The following PRSS8 variants were observed in gnomAD, a reference collection of about 807,000 sequenced individuals.
PRSS8 encodes serine protease 8, also known as prostasin.
PRSS8 carries 11 observed loss-of-function variants against 26.7 expected under a neutral mutation model. That is an observed-to-expected ratio of 0.41 (90% CI 0.26 to 0.68). The LOEUF is 0.68. Among genes scored for constraint, PRSS8 ranks in the 30% least tolerant of loss-of-function variants. The pLI is 0.30. For synonymous variants in PRSS8, 183 were observed against 187.0 expected (o/e 0.98, Z 0.17); for missense variants, 362 against 443.5 (o/e 0.82, Z 1.65).
At chr16:31,134,672 C>T (rs550429008) in intron 2 of PRSS8, 6 of 170,898 alleles carry the variant, frequency 3.5e-5, no homozygotes, top group Admixed American at 3.4e-4. Context: ...ACCCACATCT[C>T]TACCAAACAA....
chr16:31,133,108 G>A lies in PRSS8; in HGVS notation c.266+118C>T. 6.3e-7 allele frequency: 1 copy of A among 1,574,954 alleles called. No homozygotes were observed. Among genetic ancestry groups the A allele is most frequent in the Non-Finnish European group, 8.7e-7 (1 of 1,155,422 alleles). On this transcript the variant is annotated intron_variant, in intron 3 of 5. Coordinates refer to ENST00000317508, the MANE Select transcript of PRSS8 (RefSeq NM_002773.5). The surrounding 1 kb of genome is among the most constrained non-coding windows in gnomAD (Gnocchi z 4.7). ...TGACCCCTCACCTTCACTCCTAACT[G>A]GTCCTTCCAGACTTAGAACTGACAC...
chr16:31,135,346 C>A, intron 1 of PRSS8, 68 bp downstream of exon 1: 1 of 1,575,954 alleles, frequency 6.3e-7, no homozygotes, highest in East Asian at 2.3e-5. Flanking sequence ...AAGGGCACAC[C>A]CCAGAAAATG....
Position 31,132,247 on chromosome 16 carries a change from C to G in PRSS8, c.794G>C (p.Arg265Pro). 6.2e-7 allele frequency: 1 copy of G among 1,613,290 alleles called. No homozygotes were observed. Among genetic ancestry groups the G allele is most frequent in the Non-Finnish European group, 8.5e-7 (1 of 1,179,562 alleles). Reference protein sequence around the residue: ...IVSWGDACGARNRPGVYTLAS... With the variant: ...IVSWGDACGAPNRPGVYTLAS... ...CAGAGTGTACACACCAGGCCTGTTG[C>G]GGGCCCCACAGGCATCTCCCCAGCT... The change falls in exon 6 of 6, where the codon CGC (arginine) becomes CCC (proline). Residue 265 changes from arginine (R) to proline (P), a missense_variant. Coordinates refer to ENST00000317508, the MANE Select transcript of PRSS8 (RefSeq NM_002773.5). This position sits in a 1 kb window ranked among gnomAD's most constrained non-coding sequence, Gnocchi z 5.2.
chr16:31,132,457 T>A lies in PRSS8; in HGVS notation c.677A>T (p.Tyr226Phe), dbSNP rs757401966. Residue 226 changes from tyrosine (Y) to phenylalanine (F), a missense_variant, in exon 5 of 6, where the codon TAT becomes TTT. Physicochemically the swap from Tyr to Phe is conservative, Grantham distance 22. Transcript: ENST00000317508. This position sits in a 1 kb window ranked among gnomAD's most constrained non-coding sequence, Gnocchi z 5.2. ...GCAGGCGTCCTTGCCCCCCTCCACA[T>A]AGCCAGCACACACCATGTCCTCTTG... ...FVQEDMVCAGYVEGGKDACQG... is the reference protein window; with the variant it reads ...FVQEDMVCAGFVEGGKDACQG... 1 of 1,613,960 alleles carries A rather than the reference T, an allele frequency of 6.2e-7. No homozygotes were observed. The highest frequency in any genetic ancestry group is 8.5e-7 in the Non-Finnish European group (1 of 1,179,844).
In PRSS8 at chr16:31,132,593, T is replaced by C. The variant is rs772938832; in HGVS notation, c.541A>G (p.Ser181Gly). The C allele has an allele frequency of 5.9e-5, 95 of 1,613,822 alleles. No homozygotes were observed. In the Admixed American group the frequency reaches 1.6e-3, roughly 27 times the overall value. The change falls in exon 5 of 6, where the codon AGC becomes GGC. Residue 181 changes from serine (S) to glycine (G), a missense_variant and splice_region_variant. By Grantham distance (56) the Ser-to-Gly change is moderately conservative. Coordinates refer to ENST00000317508, the MANE Select transcript of PRSS8 (RefSeq NM_002773.5). This position sits in a 1 kb window ranked among gnomAD's most constrained non-coding sequence, Gnocchi z 5.2. ...TGWGHVAPSV[S>G]LLTPKPLQQL... ...TGCAGTGGCTTGGGCGTCAGGAGGC[T>C]CACTGTGGGGGTAAAAGAGGCTTAC...
In PRSS8 at chr16:31,133,272, G is replaced by A; in HGVS notation, c.220C>T (p.Leu74Phe). ...YEGVHVCGGS[L>F]VSEQWVLSAA... Reference sequence around the variant, plus strand: ...GACAGCACCCACTGCTCAGACACGAGAGAGCCACCACACACATGGACGCCT... The same window carrying A: ...GACAGCACCCACTGCTCAGACACGAAAGAGCCACCACACACATGGACGCCT... The change falls in exon 3 of 6, where the codon CTC (leucine) becomes TTC (phenylalanine). Residue 74 changes from leucine (L) to phenylalanine (F), a missense_variant. Physicochemically the swap from Leu to Phe is conservative, Grantham distance 22. Transcript: ENST00000317508. This position sits in a 1 kb window ranked among gnomAD's most constrained non-coding sequence, Gnocchi z 4.7. 1 of 1,613,996 alleles carries A rather than the reference G, an allele frequency of 6.2e-7. No homozygotes were observed. Among genetic ancestry groups the A allele is most frequent in the Non-Finnish European group, 8.5e-7 (1 of 1,179,904 alleles).
Position 31,133,468 on chromosome 16 carries a change from G to A in PRSS8, c.104-80C>T. The A allele has an allele frequency of 1.3e-6, 2 of 1,541,694 alleles. No individual in the cohort carries two copies. Among genetic ancestry groups the A allele is most frequent in the South Asian group, 2.3e-5 (2 of 85,134 alleles). ...GCCCAGGAGCTCTGATATAGAGCTT[G>A]GGAAGTGGGTTCACAGGAGTCAACA... On this transcript the variant is annotated intron_variant, in intron 2 of 5. Transcript: ENST00000317508. The surrounding 1 kb of genome is among the most constrained non-coding windows in gnomAD (Gnocchi z 4.7).
rs1390890946 is a variant in PRSS8 at position 31,133,444 on chromosome 16, C to T, written c.104-56G>A. On this transcript the variant is annotated intron_variant, in intron 2 of 5. Coordinates refer to ENST00000317508, the MANE Select transcript of PRSS8 (RefSeq NM_002773.5). This position sits in a 1 kb window ranked among gnomAD's most constrained non-coding sequence, Gnocchi z 4.7. ...TGTTAGCCTGGCCACTCCTATGCAGCCCAGGAGCTCTGATATAGAGCTTGG... is the reference window on the plus strand; with the variant it reads ...TGTTAGCCTGGCCACTCCTATGCAGTCCAGGAGCTCTGATATAGAGCTTGG... 2 of 1,595,958 alleles carry T rather than the reference C, an allele frequency of 1.3e-6. No individual in the cohort carries two copies. The highest frequency in any genetic ancestry group is 1.7e-6 in the Non-Finnish European group (2 of 1,172,826).
In PRSS8 at chr16:31,133,521, A is replaced by G; in HGVS notation, c.104-133T>C. 1 of 1,123,024 alleles carries G rather than the reference A, an allele frequency of 8.9e-7. No individual in the cohort carries two copies. The highest frequency in any genetic ancestry group is 1.6e-5 in the South Asian group (1 of 64,266). 69.6% of individuals were successfully genotyped at this position (1,123,024 alleles called of 1,614,324 possible). On this transcript the variant is annotated intron_variant, in intron 2 of 5. Coordinates refer to ENST00000317508, the MANE Select transcript of PRSS8 (RefSeq NM_002773.5). This position sits in a 1 kb window ranked among gnomAD's most constrained non-coding sequence, Gnocchi z 4.7. ...CCTTTGTCCCCTCCCAGGCATGGGC[A>G]GTTGTGCCCCTTCTGTCCACTACCC...
rs1442423470 is a variant in PRSS8 at position 31,132,335 on chromosome 16, C to T, written c.706G>A (p.Gly236Ser). ...YVEGGKDACQ[G>S]DSGGPLSCPV... ...CAGGAGAGTGGGCCCCCAGAGTCAC[C>T]CTGAGGAGAGAAGCCACACAGCAGC... Residue 236 changes from glycine to serine, a missense_variant and splice_region_variant, in exon 6 of 6, where the codon GGT (glycine) becomes AGT (serine). Gly to Ser is a moderately conservative substitution (Grantham distance 56, BLOSUM62 0). Coordinates refer to ENST00000317508, the MANE Select transcript of PRSS8 (RefSeq NM_002773.5). The surrounding 1 kb of genome is among the most constrained non-coding windows in gnomAD (Gnocchi z 5.2). The T allele has an allele frequency of 5.0e-6, 8 of 1,613,828 alleles. No homozygotes were observed. The highest frequency in any genetic ancestry group is 6.8e-6 in the Non-Finnish European group (8 of 1,179,880).
At chr16:31,135,197 G>T in intron 1 of PRSS8, 26 bp from the exon 2 acceptor site, 1 of 1,612,746 alleles carries the variant, frequency 6.2e-7, no homozygotes, top group Non-Finnish European at 8.5e-7. Flanking sequence ...AAGAGGAGGG[G>T]TGAGTAGGGA....
Position 31,135,436 on chromosome 16 carries a change from A to G in PRSS8, c.63T>C (p.Leu21=), listed in dbSNP as rs780704940. ...TACCTGTCCCCGACCGGAGTAATCC[A>G]AGATAGAGCAGAATGGCCACAGCCC... ...QLGAVAILLY[L]GLLRSGTGAE... is the part of the protein sequence containing the mutation. Residue 21 remains leucine (L), a synonymous_variant, in exon 1 of 6, where the codon CTT becomes CTC. Transcript: ENST00000317508. 2 of 1,594,398 alleles carry G rather than the reference A, an allele frequency of 1.3e-6. No individual in the cohort carries two copies. Among genetic ancestry groups the G allele is most frequent in the Non-Finnish European group, 1.7e-6 (2 of 1,171,076 alleles).
At position 31,135,574 on chromosome 16, in the gene PRSS8, A is replaced by G; in HGVS notation, c.-76T>C. 1 of 1,240,202 alleles carries G rather than the reference A, an allele frequency of 8.1e-7. No individual in the cohort carries two copies. Among genetic ancestry groups the G allele is most frequent in the Non-Finnish European group, 1.1e-6 (1 of 904,358 alleles). The allele number at this position is 1,240,202 out of a possible 1,614,324, so 76.8% of individuals were successfully genotyped here. ...GCCTTGGGGTGGTGTCGAAGGCAGG[A>G]CCCAGATGTTGGCTCAGAGGGAAGG... On this transcript the variant is annotated 5_prime_UTR_variant, in exon 1 of 6. Coordinates refer to ENST00000317508, the MANE Select transcript of PRSS8 (RefSeq NM_002773.5).
Position 31,133,721 on chromosome 16 carries a change from C to T in PRSS8, c.104-333G>A, listed in dbSNP as rs561573332. On this transcript the variant is annotated intron_variant, in intron 2 of 5. Transcript: ENST00000317508. This position sits in a 1 kb window ranked among gnomAD's most constrained non-coding sequence, Gnocchi z 4.7. Reference sequence around the variant, plus strand: ...ATACATTCCAGACAGACCATGGCACCGCCATCGGACCCAGCCGTCCCCTCT... The same window carrying T: ...ATACATTCCAGACAGACCATGGCACTGCCATCGGACCCAGCCGTCCCCTCT... 1.3e-5 allele frequency among the ~76,000 whole-genome samples: 2 copies of T among 152,318 alleles called. No individual in the cohort carries two copies. The highest frequency in any genetic ancestry group is 4.8e-5 in the African/African-American group (2 of 41,574).
Position 31,132,513 on chromosome 16 carries a change from G to T in PRSS8, c.621C>A (p.Ile207=), listed in dbSNP as rs762733791. ...SRETCNCLYN[I]DAKPEEPHFV... ...AGTGCGGCTCCTCAGGCTTGGCGTCGATGTTGTACAGGCAGTTACACGTCT... is the reference window on the plus strand; with the variant it reads ...AGTGCGGCTCCTCAGGCTTGGCGTCTATGTTGTACAGGCAGTTACACGTCT... The change falls in exon 5 of 6, where the codon ATC becomes ATA. Residue 207 remains isoleucine (I), a synonymous_variant. Coordinates refer to ENST00000317508, the MANE Select transcript of PRSS8 (RefSeq NM_002773.5). This position sits in a 1 kb window ranked among gnomAD's most constrained non-coding sequence, Gnocchi z 5.2. The T allele has an allele frequency of 1.2e-5, 20 of 1,613,920 alleles. No homozygotes were observed. The highest frequency in any genetic ancestry group is 1.6e-5 in the Non-Finnish European group (19 of 1,179,900).
In PRSS8 at chr16:31,133,426, C is replaced by T. The variant is rs759044024; in HGVS notation, c.104-38G>A. On this transcript the variant is annotated intron_variant, in intron 2 of 5. Coordinates refer to ENST00000317508, the MANE Select transcript of PRSS8 (RefSeq NM_002773.5). This position sits in a 1 kb window ranked among gnomAD's most constrained non-coding sequence, Gnocchi z 4.7. ...GAAGGGAAGGGGTCAGGTTGTTAGC[C>T]TGGCCACTCCTATGCAGCCCAGGAG... is the stretch of plus-strand genomic sequence containing the variant. 5 of 1,608,784 alleles carry T rather than the reference C, an allele frequency of 3.1e-6. No individual in the cohort carries two copies. In the East Asian group the frequency reaches 1.1e-4, roughly 36 times the overall value.
At position 31,132,806 on chromosome 16, in the gene PRSS8, G is replaced by A. The variant is rs374162793; in HGVS notation, c.414C>T (p.Leu138=). Residue 138 remains leucine, a synonymous_variant, in exon 4 of 6, where the codon CTC becomes CTT. Coordinates refer to ENST00000317508, the MANE Select transcript of PRSS8 (RefSeq NM_002773.5). This position sits in a 1 kb window ranked among gnomAD's most constrained non-coding sequence, Gnocchi z 5.2. ...QEGSQGDIAL[L]QLSRPITFSR... is the part of the protein sequence containing the mutation. The stretch of plus-strand genomic sequence containing the variant: ...AGAAGGTGATGGGTCTGCTGAGTTG[G>A]AGGAGTGCAATGTCGCCCTGGGAGC... 159 of 1,613,866 alleles carry A rather than the reference G, an allele frequency of 9.9e-5. No individual in the cohort carries two copies. Among genetic ancestry groups the A allele is most frequent in the Non-Finnish European group, 1.3e-4 (150 of 1,179,886 alleles).
Position 31,131,767 on chromosome 16 carries a change from T to G in PRSS8, c.*242A>C. 6 of 508,880 alleles carry G rather than the reference T, an allele frequency of 1.2e-5. No individual in the cohort carries two copies. Among genetic ancestry groups the G allele is most frequent in the East Asian group, 6.4e-5 (2 of 31,090 alleles). The allele number at this position is 508,880 out of a possible 1,614,324, so 31.5% of individuals were successfully genotyped here. On this transcript the variant is annotated 3_prime_UTR_variant, in exon 6 of 6. Coordinates refer to ENST00000317508, the MANE Select transcript of PRSS8 (RefSeq NM_002773.5). ...GGAGCTCGGCCAATGGGCTGGTCCA[T>G]GGTGGGTGAGGGGCCAGAGGCTCTG...
In PRSS8 at chr16:31,135,621, AG is replaced by A. The variant is rs2057602679; in HGVS notation, c.-124del. 6 of 852,600 alleles carry A rather than the reference AG, an allele frequency of 7.0e-6. No individual in the cohort carries two copies. The highest frequency in any genetic ancestry group is 1.1e-5 in the Non-Finnish European group (6 of 555,760). 52.8% of individuals were successfully genotyped at this position (852,600 alleles called of 1,614,324 possible). A position where few individuals can be genotyped will look rare whatever the true frequency, so the allele number is the denominator to read the frequency against. On this transcript the variant is annotated 5_prime_UTR_variant, in exon 1 of 6. Transcript: ENST00000317508. ...AAGGATCCCAGAATCCGGGCTGGAA[AG>A]GGGCAGCAAGTGTCCAAGGCTGGCC...
Sources: gnomAD v4.1 joint callset for allele counts (sites outside exome capture counted in the v4.1 genomes callset) on GRCh38, gnomAD v4.1.1 for gene constraint, Gnocchi (gnomAD v3.1) non-coding constraint, MANE v1.5 for transcripts, NCBI Gene and HGNC (gene_info 2026-07-23, HGNC 2026-07-21) for gene names.